DNAH17: variants seen among roughly 807,000 people sequenced by gnomAD.
DNAH17 encodes the protein axonemal beta dynein heavy chain 17.
Under a neutral mutation model 485.6 loss-of-function variants are expected in DNAH17, and 376 were observed. The ratio of observed to expected loss-of-function variants is 0.77; its 90% confidence interval spans 0.71 to 0.84. The LOEUF (loss-of-function observed/expected upper bound fraction) is 0.84. DNAH17 is among the 40% of genes least tolerant of loss of function. The probability of loss-of-function intolerance (pLI) is 0.00; values close to 1 mark genes in which losing one functional copy is unlikely to be tolerated. For synonymous variants in DNAH17, 3,031 were observed against 2,405.9 expected, an observed-to-expected ratio of 1.26 and a Z score of -7.60; for missense variants, 6,370 against 5,839.3, an observed-to-expected ratio of 1.09 and a Z score of -2.96.
chr17:78,549,934 G>C (rs1021183522), intron 16 of DNAH17, among the ~76,000 whole-genome samples: 1 of 152,246 alleles, frequency 6.6e-6, no homozygotes. Context: ...AGAGGAGAGA[G>C]AGAGAACAGC....
rs1311188629 is a variant in DNAH17 at position 78,492,775 on chromosome 17, G to A, written c.6409-10C>T. 1 of 1,609,496 alleles carries A rather than the reference G, an allele frequency of 6.2e-7. No homozygotes were observed. The highest frequency in any genetic ancestry group is 8.5e-7 in the Non-Finnish European group (1 of 1,177,940). On this transcript the variant is annotated splice_polypyrimidine_tract_variant and intron_variant, in intron 41 of 80. Transcript: ENST00000389840. ...TGAGGGATTTGAGGACCTGGCGAAG[G>A]TGGGGGTCACTCACGTGTGACTCCA...
chr17:78,529,746 C>T (rs1355786192), intron 21 of DNAH17, 52 bp from the exon 22 acceptor site: 2 of 1,574,646 alleles, frequency 1.3e-6, no homozygotes, highest in Admixed American at 1.7e-5. Flanking sequence ...TAGGCCCACC[C>T]TTGATGGTAC....
intron 65 of DNAH17, 106 bp downstream of exon 65, chr17:78,453,237 C>T: frequency 1.4e-6 from 2 of 1,471,028 alleles, no homozygotes; most frequent in Non-Finnish European, 1.8e-6. Context: ...TGCTGCTTAC[C>T]AGGGAAGCAA....
chr17:78,525,043 C>G lies in DNAH17; in HGVS notation c.3830G>C (p.Arg1277Pro), dbSNP rs200891120. 1.2e-6 allele frequency: 2 copies of G among 1,613,622 alleles called. No individual in the cohort carries two copies. Among genetic ancestry groups the G allele is most frequent in the Non-Finnish European group, 1.7e-6 (2 of 1,179,778 alleles). ...CATGTCCCAGAGCTCCTTCAGTAGG[C>G]GGACCTCCCGGTGGCAGGCCTTGAG... is the stretch of plus-strand genomic sequence containing the variant. ...KQLKACHREVRLLKELWDMVV... is the reference protein window; with the variant it reads ...KQLKACHREVPLLKELWDMVV... Residue 1277 changes from arginine to proline, a missense_variant, in exon 25 of 81, where the codon CGC becomes CCC. Arg to Pro is a moderately radical substitution (Grantham distance 103). Transcript: ENST00000389840.
At chr17:78,463,107 G>T in intron 56 of DNAH17, 30 bp from the exon 57 acceptor site, 1 of 1,603,928 alleles carries the variant, frequency 6.2e-7, no homozygotes, top group South Asian at 1.1e-5. Context: ...AGTCATCCCT[G>T]GGACCCCATC....
rs374930347 is a variant in DNAH17 at position 78,486,121 on chromosome 17, G to A, written c.7114C>T (p.Arg2372Ter). The A allele has an allele frequency of 3.1e-6, 5 of 1,613,392 alleles. No individual in the cohort carries two copies. The Admixed American group carries it at 6.7e-5, about 22-fold the overall frequency. ...ATCCACCATTTACTGAACTCCACTC[G>A]ATAATCCACAAGCTGTTGAGACACA... ...AMFQDQLVDY[R>*]VEFSKWWINE... is the part of the protein sequence containing the mutation. Residue 2372 changes from arginine (R) to a stop codon, truncating the protein, a stop_gained, in exon 46 of 81, where the codon CGA becomes TGA. Coordinates refer to ENST00000389840, the MANE Select transcript of DNAH17 (RefSeq NM_173628.4). LOFTEE classifies it high-confidence loss of function.
At position 78,558,198 on chromosome 17, in the gene DNAH17, A is replaced by C; in HGVS notation, c.2088T>G (p.Ile696Met). 6.2e-7 allele frequency: 1 copy of C among 1,613,860 alleles called. No homozygotes were observed. Among genetic ancestry groups the C allele is most frequent in the South Asian group, 1.1e-5 (1 of 91,018 alleles). ...AGAACAGACTCTCCGCACTGTCTGG[A>C]ATCTCTTTCTGTTGCTGGAAATTCA... ...KYLNFQQQKE[I>M]PDSAESLFSE... The change falls in exon 14 of 81, where the codon ATT (isoleucine) becomes ATG (methionine). Residue 696 changes from isoleucine to methionine, a missense_variant. By Grantham distance (10) the Ile-to-Met change is conservative. Transcript: ENST00000389840.
Position 78,425,418 on chromosome 17 carries a change from TCACCTCGA to T in DNAH17, c.13061_13068del (p.Val4354AspfsTer37). 6.2e-7 allele frequency: 1 copy of T among 1,614,000 alleles called. No individual in the cohort carries two copies. The highest frequency in any genetic ancestry group is 8.5e-7 in the Non-Finnish European group (1 of 1,179,898). On this transcript the variant is annotated frameshift_variant, in exon 80 of 81. Coordinates refer to ENST00000389840, the MANE Select transcript of DNAH17 (RefSeq NM_173628.4). LOFTEE classifies it high-confidence loss of function. ...GTCATGTCCTCTCGGTTTTTCTTGG[TCACCTCGA>T]CAGACAGACACATCTTGTCCAGGGG...
intron 3 of DNAH17, among the ~76,000 whole-genome samples, chr17:78,572,427 G>A (rs868190198): frequency 3.9e-5 from 6 of 152,098 alleles, no homozygotes; most frequent in African/African-American, 9.7e-5. Flanking sequence ...TGACTGGATC[G>A]GCACACATGT....
chr17:78,551,833 G>T (rs567840430), intron 15 of DNAH17, among the ~76,000 whole-genome samples, 195 bp from the exon 16 acceptor site: 2 of 151,910 alleles, frequency 1.3e-5, no homozygotes, highest in Non-Finnish European at 2.9e-5. Flanking sequence ...CATAGCAGTG[G>T]GCACCTGTAA....
chr17:78,468,541 G>C, intron 55 of DNAH17, 76 bp downstream of exon 55: 1 of 1,507,028 alleles, frequency 6.6e-7, no homozygotes, highest in Non-Finnish European at 8.9e-7. Flanking sequence ...GCTCTATGCA[G>C]AGCAAAAACC....
rs1344025283 is a variant in DNAH17, at chr17:78,485,995, G to A, written c.7240C>T (p.Pro2414Ser). ...KKFLPWTDKV[P>S]SFELDPDVPL... ...ACATCGGGATCCAGCTCAAAGGAGG[G>A]CACTTTATCTGTCCAGGGCAGGAAC... is the stretch of plus-strand genomic sequence containing the variant. The change falls in exon 46 of 81, where the codon CCC becomes TCC. Residue 2414 changes from proline to serine, a missense_variant. By Grantham distance (74) the Pro-to-Ser change is moderately conservative. Coordinates refer to ENST00000389840, the MANE Select transcript of DNAH17 (RefSeq NM_173628.4). 3 of 1,613,640 alleles carry A rather than the reference G, an allele frequency of 1.9e-6. No homozygotes were observed. The highest frequency in any genetic ancestry group is 2.2e-5 in the East Asian group (1 of 44,884).
chr17:78,564,398 C>T (rs965711049), intron 11 of DNAH17, among the ~76,000 whole-genome samples: 40 of 152,110 alleles, frequency 2.6e-4, no homozygotes, highest in Admixed American at 2.0e-4. Context: ...GGAACAGCAG[C>T]AGGGAGTCAC....
intron 58 of DNAH17, 59 bp downstream of exon 58, chr17:78,461,485 C>A: frequency 6.9e-7 from 1 of 1,445,450 alleles, no homozygotes. Flanking sequence ...CGTGGAAGCC[C>A]AGGAGGCCTG....
intron 41 of DNAH17, chr17:78,493,091 T>G (rs2089933193): frequency 9.9e-6 from 2 of 202,114 alleles, no homozygotes; most frequent in Non-Finnish European, 2.0e-5. Flanking sequence ...TCTCAGGTGA[T>G]CAGCCCGCCT....
intron 72 of DNAH17, among the ~76,000 whole-genome samples, chr17:78,440,747 T>A (rs2087042716): frequency 6.6e-6 from 1 of 152,234 alleles, no homozygotes; most frequent in African/African-American, 2.4e-5. Context: ...TTTGGGTGTA[T>A]ACTCAGGCGT....
intron 77 of DNAH17, among the ~76,000 whole-genome samples, chr17:78,427,453 C>T (rs371956957): frequency 3.9e-5 from 6 of 152,318 alleles, no homozygotes; most frequent in East Asian, 3.9e-4. Context: ...TTGTCCTTTA[C>T]GTGGGCTTTC....
In DNAH17 at chr17:78,507,749, G is replaced by T. The variant is rs376417383; in HGVS notation, c.4293C>A (p.His1431Gln). 12 of 1,591,502 alleles carry T rather than the reference G, an allele frequency of 7.5e-6. No homozygotes were observed. In the East Asian group the frequency reaches 9.0e-5, roughly 12 times the overall value. ...TGAGCATCATGGTGCCTGTCCGCGG[G>T]TGCGGCTCGTGCTGGAATTCCATCA... is the stretch of plus-strand genomic sequence containing the variant. The part of the protein sequence containing the change: ...WSMMEFQHEP[H>Q]PRTGTMMLKS... Residue 1431 changes from histidine to glutamine, a missense_variant, in exon 28 of 81, where the codon CAC (histidine) becomes CAA (glutamine). By Grantham distance (24) the His-to-Gln change is conservative (BLOSUM62 0). Coordinates refer to ENST00000389840, the MANE Select transcript of DNAH17 (RefSeq NM_173628.4).
In DNAH17 at chr17:78,478,573, CACCATT is replaced by C. The variant is rs1244877540; in HGVS notation, c.7992+446_7992+451del. Among the ~76,000 whole-genome samples the C allele has an allele frequency of 5.3e-5, 8 of 151,898 alleles. 1 individual carries two copies. The South Asian group carries it at 1.5e-3, about 28-fold the overall frequency. ...TGACAATCACCATCATCATGACCAT[CACCATT>C]ACCACCATCACTACCACTGTCACCA... On this transcript the variant is annotated intron_variant, in intron 51 of 80. Coordinates refer to ENST00000389840, the MANE Select transcript of DNAH17 (RefSeq NM_173628.4).
Sources: allele counts gnomAD v4.1 joint callset (sites outside exome capture counted in the v4.1 genomes callset), GRCh38; gene constraint gnomAD v4.1.1; transcripts MANE v1.5; gene names NCBI Gene and HGNC (gene_info 2026-07-23, HGNC 2026-07-21).